CANX: variants seen among roughly 807,000 people sequenced by gnomAD.
CANX encodes calnexin.
Under a neutral mutation model 75.7 loss-of-function variants are expected in CANX, and 14 were observed. That is an observed-to-expected ratio of 0.19 (90% CI 0.12 to 0.29). CANX has a LOEUF of 0.29. CANX is among the 10% of genes least tolerant of loss of function. The pLI is 1.00. For missense variants in CANX, 567 were observed against 713.2 expected, an observed-to-expected ratio of 0.79 and a Z score of 2.34; for synonymous variants, 227 against 236.9, an observed-to-expected ratio of 0.96 and a Z score of 0.38.
chr5:179,723,330 T>G (rs1581896668), intron 11 of CANX: 1 of 410,812 alleles, frequency 2.4e-6, no homozygotes, highest in Non-Finnish European at 4.3e-6. Context: ...ACATACAGAA[T>G]TTTCAAACAA....
chr5:179,682,720 A>C (rs1165534290), intron 1 of CANX, among the ~76,000 whole-genome samples: 2 of 151,746 alleles, frequency 1.3e-5, no homozygotes, highest in Non-Finnish European at 2.9e-5. Context: ...AAAAAAAAAA[A>C]AAAAAAAACC....
At chr5:179,723,046 T>C (rs1278122649) in intron 11 of CANX, 27 bp downstream of exon 11, 24 of 1,579,544 alleles carry the variant, frequency 1.5e-5, no homozygotes, top group East Asian at 4.5e-5. Context: ...TGTGCATTTG[T>C]GTCTGTTATT....
At position 179,731,569 on chromosome 5, in the gene CANX, G is replaced by A. The variant is rs1778994435; in HGVS notation, c.*2925G>A. ...ATTAGGATTTGTATTTTTCTGCTGC[G>A]TTTGTATGAAGACATATTTGATTGT... On this transcript the variant is annotated 3_prime_UTR_variant, in exon 15 of 15. Transcript: ENST00000247461. Among the ~76,000 whole-genome samples, 1 of 151,404 alleles carries A rather than the reference G, an allele frequency of 6.6e-6. No individual in the cohort carries two copies. Among genetic ancestry groups the A allele is most frequent in the South Asian group, 2.1e-4 (1 of 4,810 alleles).
intron 5 of CANX, 43 bp downstream of exon 5, chr5:179,708,423 A>T (rs1408058944): frequency 6.4e-7 from 1 of 1,572,896 alleles, no homozygotes; most frequent in East Asian, 2.2e-5. Context: ...TGCAAAGGGT[A>T]ATCTTAGAAG....
rs559899363 is a variant in CANX, at chr5:179,731,539, A to G, written c.*2895A>G. ...CCTTGGTGGCCCACTTTCTCCATTT[A>G]AAACATTAGGATTTGTATTTTTCTG... is the stretch of plus-strand genomic sequence containing the variant. On this transcript the variant is annotated 3_prime_UTR_variant, in exon 15 of 15. Coordinates refer to ENST00000247461, the MANE Select transcript of CANX (RefSeq NM_001746.4). Among the ~76,000 whole-genome samples the G allele has an allele frequency of 6.0e-5, 9 of 149,786 alleles. No homozygotes were observed. In the East Asian group the frequency reaches 1.5e-3, roughly 26 times the overall value.
At chr5:179,681,415 T>C (rs1467669377) in intron 1 of CANX, among the ~76,000 whole-genome samples, 3 of 152,110 alleles carry the variant, frequency 2.0e-5, no homozygotes, top group African/African-American at 4.8e-5. Context: ...AAGTGAATTA[T>C]TGGGGAAATG....
intron 7 of CANX, among the ~76,000 whole-genome samples, chr5:179,710,294 A>G (rs961815642): frequency 1.3e-5 from 2 of 151,712 alleles, no homozygotes; most frequent in African/African-American, 4.8e-5. Context: ...ATGGTGGTGC[A>G]CGCCTGTAAC....
intron 6 of CANX, 96 bp from the exon 7 acceptor site, chr5:179,709,777 G>T: frequency 1.3e-6 from 1 of 780,522 alleles, no homozygotes; most frequent in Non-Finnish European, 2.0e-6. Flanking sequence ...TAATATATTT[G>T]GAATTTTATA....
chr5:179,678,702 G>A lies in CANX; in HGVS notation c.-79G>A, dbSNP rs1265122718. 3.9e-6 allele frequency: 6 copies of A among 1,536,896 alleles called. No homozygotes were observed. In the Admixed American group the frequency reaches 7.8e-5, roughly 20 times the overall value. On this transcript the variant is annotated 5_prime_UTR_variant, in exon 1 of 15. Coordinates refer to the CANX transcript ENST00000681674. ...GCCGTCGGGATCACCTCGGGGTTGC[G>A]CTGCTTCTCCAGCAAGTGCATGCGC...
chr5:179,700,396 ATTGT>A (rs1776658595), intron 1 of CANX: 1 of 152,100 alleles, frequency 6.6e-6, no homozygotes, highest in South Asian at 2.1e-4. Context: ...TTTTCCCAAC[ATTGT>A]TTGAGGGTCA....
chr5:179,698,362 TG>T, upstream of CANX: 1 of 1,177,586 alleles, frequency 8.5e-7, no homozygotes, highest in Non-Finnish European at 1.1e-6. Context: ...CGCAGGCTCC[TG>T]GGCCGAGCCA....
intron 4 of CANX, 34 bp from the exon 5 acceptor site, chr5:179,708,205 T>A (rs779512834): frequency 1.2e-6 from 2 of 1,602,902 alleles, no homozygotes; most frequent in South Asian, 2.2e-5. Context: ...AGAGGTAGAG[T>A]TAAGCAGTGG....
chr5:179,720,837 GC>G, intron 10 of CANX, among the ~76,000 whole-genome samples: 1 of 151,966 alleles, frequency 6.6e-6, no homozygotes, highest in Non-Finnish European at 1.5e-5. Context: ...AGGCTGGAGG[GC>G]AGTGGTGTGA....
chr5:179,705,960 C>A, intron 2 of CANX, 108 bp downstream of exon 2: 1 of 835,164 alleles, frequency 1.2e-6, no homozygotes, highest in Non-Finnish European at 1.9e-6. Flanking sequence ...AGGCCTAGGA[C>A]AGGAGTGTGA....
chr5:179,705,054 G>A (rs763934124), intron 1 of CANX, among the ~76,000 whole-genome samples: 32 of 151,730 alleles, frequency 2.1e-4, no homozygotes, highest in Non-Finnish European at 4.3e-4. Flanking sequence ...GTGTAGTGGC[G>A]TGCTCACTGC....
intron 8 of CANX, among the ~76,000 whole-genome samples, chr5:179,716,818 G>C (rs1167907450): frequency 6.6e-6 from 1 of 152,182 alleles, no homozygotes; most frequent in Non-Finnish European, 1.5e-5. Flanking sequence ...CAGGAGACCA[G>C]AGCACCAGGT....
intron 5 of CANX, 88 bp from the exon 6 acceptor site, chr5:179,708,890 A>G (rs906977108): frequency 9.1e-5 from 64 of 702,754 alleles, no homozygotes; most frequent in Admixed American, 4.8e-4. Context: ...ATAAAACGTG[A>G]CTAAGATGAG....
At chr5:179,715,977 A>G (rs761472911) in intron 7 of CANX, 128 bp from the exon 8 acceptor site, 5 of 743,202 alleles carry the variant, frequency 6.7e-6, no homozygotes, top group African/African-American at 1.7e-5. Context: ...GGAGCCAGGC[A>G]TTGTTCTTAC....
At chr5:179,722,557 G>C (rs1178029223) in intron 10 of CANX, among the ~76,000 whole-genome samples, 1 of 152,102 alleles carries the variant, frequency 6.6e-6, no homozygotes, top group Non-Finnish European at 1.5e-5. Context: ...GAACTTGAGG[G>C]GTTGGTTTGG....
Sources: allele counts gnomAD v4.1 joint callset (sites outside exome capture counted in the v4.1 genomes callset), GRCh38; gene constraint gnomAD v4.1.1; transcripts MANE v1.5; gene names NCBI Gene and HGNC (gene_info 2026-07-23, HGNC 2026-07-21).